Variants in ZDHHC11 observed in about 807,000 individuals in gnomAD.
The protein encoded by ZDHHC11 is zDHHC palmitoyltransferase 11.
ZDHHC11 carries 44 observed loss-of-function variants against 51.3 expected under a neutral mutation model. That is an observed-to-expected ratio of 0.86 (90% CI 0.67 to 1.10). The LOEUF is 1.10. Ranked by LOEUF, ZDHHC11 falls within the 50% of genes least tolerant of loss-of-function variation. The pLI is 0.00. For synonymous variants in ZDHHC11, 163 were observed against 222.0 expected (o/e 0.73, Z 2.36); for missense variants, 400 against 537.7 (o/e 0.74, Z 2.53).
chr5:859,071 A>C (rs868857448), upstream of ZDHHC11, among the ~76,000 whole-genome samples: 4 of 152,134 alleles, frequency 2.6e-5, no homozygotes, highest in South Asian at 8.3e-4. Context: ...ACAAGGGGGC[A>C]TGAGGAGGGA....
At chr5:816,576 G>C in intron 10 of ZDHHC11, 1 of 612,650 alleles carries the variant, frequency 1.6e-6, no homozygotes, top group Admixed American at 1.9e-5. Flanking sequence ...GAGAATTTTT[G>C]TCTAATTGAC....
chr5:806,483 G>C (rs1207908891), intron 11 of ZDHHC11, among the ~76,000 whole-genome samples: 4 of 149,988 alleles, frequency 2.7e-5, no homozygotes, highest in Non-Finnish European at 4.4e-5. Context: ...TTTGTGAAAA[G>C]GTTCATTAAT....
intron 3 of ZDHHC11, 98 bp downstream of exon 3, chr5:847,416 C>G: frequency 1.3e-6 from 2 of 1,544,502 alleles, no homozygotes; most frequent in Non-Finnish European, 1.8e-6. Context: ...CAAGAGGACC[C>G]TCCACCCTTT....
At position 825,255 on chromosome 5, in the gene ZDHHC11, G is replaced by C. The variant is rs374413935; in HGVS notation, c.936-4C>G. On this transcript the variant is annotated splice_region_variant and splice_polypyrimidine_tract_variant and intron_variant, in intron 7 of 12. Coordinates refer to ENST00000283441, the MANE Select transcript of ZDHHC11 (RefSeq NM_024786.3). The stretch of plus-strand genomic sequence containing the variant: ...CAGGGAGCTCTTGGCTTTGACTCTG[G>C]TGGGACAGAAAGGAGGAGAGAAACT... The C allele has an allele frequency of 1.2e-6, 2 of 1,612,020 alleles. No individual in the cohort carries two copies. Among genetic ancestry groups the C allele is most frequent in the East Asian group, 4.5e-5 (2 of 44,866 alleles).
rs771955725 is a variant in ZDHHC11, at chr5:840,454, C to T, written c.784+41G>A. ...GTGTAAGATGAGCAGCTCTGACCACCCAGCCTTGGGGGGATCGGGGGCTTA... is the reference window on the plus strand; with the variant it reads ...GTGTAAGATGAGCAGCTCTGACCACTCAGCCTTGGGGGGATCGGGGGCTTA... On this transcript the variant is annotated intron_variant, in intron 5 of 12. Transcript: ENST00000283441. 5.0e-6 allele frequency: 8 copies of T among 1,612,602 alleles called. No individual in the cohort carries two copies. In the African/African-American group the frequency reaches 5.3e-5, roughly 11 times the overall value.
At chr5:857,235 A>G (rs1218630196) in intron 1 of ZDHHC11, among the ~76,000 whole-genome samples, 1 of 152,178 alleles carries the variant, frequency 6.6e-6, no homozygotes, top group Non-Finnish European at 1.5e-5. Flanking sequence ...CTGGCTGCCC[A>G]GCACCGGGGC....
chr5:835,705 A>C (rs1266373422), intron 6 of ZDHHC11, among the ~76,000 whole-genome samples: 1 of 151,942 alleles, frequency 6.6e-6, no homozygotes, highest in Non-Finnish European at 1.5e-5. Flanking sequence ...TGCCCTTTTA[A>C]TAGTATTTTT....
chr5:841,601 T>A, intron 4 of ZDHHC11: 4 of 995,568 alleles, frequency 4.0e-6, no homozygotes, highest in Non-Finnish European at 3.6e-6. Flanking sequence ...CATCCCTTGC[T>A]CATGGCCCAC....
At chr5:838,308 T>C (rs1273472970) in intron 5 of ZDHHC11, among the ~76,000 whole-genome samples, 1 of 152,006 alleles carries the variant, frequency 6.6e-6, no homozygotes, top group Non-Finnish European at 1.5e-5. Flanking sequence ...TAAAATGGGC[T>C]CTGCACCTAT....
intron 7 of ZDHHC11, among the ~76,000 whole-genome samples, chr5:833,198 TCTGTGAAGA>T (rs2150365266): frequency 6.6e-6 from 1 of 152,394 alleles, no homozygotes; most frequent in South Asian, 2.1e-4. Context: ...TCAGAAAGAG[TCTGTGAAGA>T]CTGAAAATGC....
chr5:841,952 G>A, intron 4 of ZDHHC11: 3 of 989,812 alleles, frequency 3.0e-6, no homozygotes, highest in Non-Finnish European at 3.6e-6. Context: ...AGCCTGACAG[G>A]ACCGCAGCTC....
rs759683868 is a variant in ZDHHC11, at chr5:814,765, G to A, written c.1177C>T (p.Leu393Phe). The A allele has an allele frequency of 6.4e-7, 1 of 1,561,700 alleles. No individual in the cohort carries two copies. Among genetic ancestry groups the A allele is most frequent in the Non-Finnish European group, 8.7e-7 (1 of 1,154,546 alleles). ...EADDAPSIST[L>F]GLQQETTEPM... The stretch of plus-strand genomic sequence containing the variant: ...CCGTTAAACTTACGAACTTACCCAA[G>A]TGTAGATATACTCGGGGCATCATCT... The change falls in exon 11 of 13, where the codon CTT (leucine) becomes TTT (phenylalanine). Residue 393 changes from leucine to phenylalanine, a missense_variant. Leu to Phe is a conservative substitution (Grantham distance 22). Coordinates refer to ENST00000283441, the MANE Select transcript of ZDHHC11 (RefSeq NM_024786.3).
intron 12 of ZDHHC11, among the ~76,000 whole-genome samples, chr5:800,024 G>T (rs900636110): frequency 6.6e-6 from 1 of 151,278 alleles, no homozygotes; most frequent in African/African-American, 2.4e-5. Context: ...GGCTTTCAAG[G>T]TGATGTCTAT....
chr5:821,532 C>A (rs1444264792), intron 9 of ZDHHC11, among the ~76,000 whole-genome samples: 2 of 151,350 alleles, frequency 1.3e-5, no homozygotes, highest in Non-Finnish European at 3.0e-5. Flanking sequence ...GGGCTCACGG[C>A]AGACAGGAGA....
At chr5:851,341 G>A (rs570389836), upstream of ZDHHC11, among the ~76,000 whole-genome samples, 41 of 152,154 alleles carry the variant, frequency 2.7e-4, no homozygotes, top group African/African-American at 8.9e-4. Flanking sequence ...AGGTGGGGAG[G>A]GCGGCAGGGG....
chr5:796,606 T>C (rs1737598126), intron 12 of ZDHHC11, 26 bp from the exon 13 acceptor site: 1 of 151,080 alleles, frequency 6.6e-6, no homozygotes, highest in Non-Finnish European at 1.5e-5. Flanking sequence ...AAGTCACTCT[T>C]TGAGCAGCCA....
intron 1 of ZDHHC11, among the ~76,000 whole-genome samples, chr5:858,135 C>T (rs1274937434): frequency 3.5e-5 from 5 of 142,662 alleles, no homozygotes; most frequent in South Asian, 2.4e-4. Flanking sequence ...TTTATGACAC[C>T]GTGGTCCCCC....
At chr5:845,238 C>T (rs548983973) in intron 3 of ZDHHC11, among the ~76,000 whole-genome samples, 4 of 152,308 alleles carry the variant, frequency 2.6e-5, no homozygotes, top group Non-Finnish European at 5.9e-5. Flanking sequence ...GCAGCCCCTC[C>T]AGGCAGCGGA....
intron 11 of ZDHHC11, among the ~76,000 whole-genome samples, chr5:809,115 TA>T (rs1343945727): frequency 2.7e-5 from 4 of 145,616 alleles, no homozygotes; most frequent in Admixed American, 1.4e-4. Context: ...TACAAAAAAA[TA>T]AAAAACAAAC....
Sources: allele counts gnomAD v4.1 joint callset (sites outside exome capture counted in the v4.1 genomes callset), GRCh38; gene constraint gnomAD v4.1.1; transcripts MANE v1.5; gene names NCBI Gene and HGNC (gene_info 2026-07-23, HGNC 2026-07-21).